HECW2: variants seen among roughly 807,000 people sequenced by gnomAD.
HECW2 encodes HECT, C2 and WW domain containing E3 ubiquitin protein ligase 2.
In HECW2, 61 loss-of-function variants were observed where a neutral mutation model predicts 175.2. The ratio of observed to expected loss-of-function variants is 0.35; its 90% CI spans 0.28 to 0.43. The LOEUF (loss-of-function observed/expected upper bound fraction) is 0.43. Ranked by LOEUF, HECW2 falls within the 20% of genes least tolerant of loss-of-function variation. HECW2 has a pLI of 1.00. For missense variants in HECW2, 1,524 were observed against 2,000.5 expected (o/e 0.76, Z 4.54); for synonymous variants, 671 against 731.0 (o/e 0.92, Z 1.32).
intron 1 of HECW2, among the ~76,000 whole-genome samples, chr2:196,454,043 C>A (rs960694764): frequency 6.6e-6 from 1 of 152,168 alleles, no homozygotes; most frequent in Non-Finnish European, 1.5e-5. Flanking sequence ...CAGAGACTCA[C>A]TCTGTTGCCC....
At chr2:196,587,977 T>C (rs1343460090) in intron 1 of HECW2, among the ~76,000 whole-genome samples, 5 of 152,206 alleles carry the variant, frequency 3.3e-5, no homozygotes, top group African/African-American at 9.7e-5. Flanking sequence ...GCACTGGCCA[T>C]CCTGCAACTC....
intron 14 of HECW2, among the ~76,000 whole-genome samples, chr2:196,284,078 C>A (rs999117961): frequency 6.6e-6 from 1 of 152,132 alleles, no homozygotes; most frequent in Non-Finnish European, 1.5e-5. Flanking sequence ...TCTTCCCACT[C>A]CCCTCACACC....
intron 2 of HECW2, among the ~76,000 whole-genome samples, chr2:196,427,139 G>T (rs1271986505): frequency 3.5e-5 from 1 of 28,844 alleles, no homozygotes; most frequent in African/African-American, 4.7e-5. Context: ...AGAAACTTCA[G>T]ATGATTTTTT....
At chr2:196,551,474 G>A (rs1362114744) in intron 1 of HECW2, among the ~76,000 whole-genome samples, 1 of 152,150 alleles carries the variant, frequency 6.6e-6, no homozygotes, top group Non-Finnish European at 1.5e-5. Context: ...TCTAGAAAAT[G>A]GAAAGACTGA....
intron 1 of HECW2, among the ~76,000 whole-genome samples, chr2:196,488,148 A>T (rs1312708031): frequency 6.6e-6 from 1 of 152,214 alleles, no homozygotes; most frequent in Non-Finnish European, 1.5e-5. Context: ...CAAGCATAGA[A>T]GTCAGCTTGC....
intron 3 of HECW2, among the ~76,000 whole-genome samples, chr2:196,340,178 ATTTTAGAAACTG>A (rs1692694951): frequency 6.6e-6 from 1 of 152,224 alleles, no homozygotes; most frequent in Non-Finnish European, 1.5e-5. Context: ...GGTGGAAAAT[ATTTTAGAAACTG>A]TCTAATCTCT....
Position 196,329,610 on chromosome 2 carries a change from A to C in HECW2, c.536T>G (p.Leu179Arg). ...AAAGCTAACAAGTTTTCGAGAATGC[A>C]GGTTTCCTGAAGCACCTCCCTCCAT... is the stretch of plus-strand genomic sequence containing the variant. Reference protein sequence around the residue: ...EGMEGGASGNLHSRKLVSFTL... With the variant: ...EGMEGGASGNRHSRKLVSFTL... Residue 179 changes from leucine to arginine, a missense_variant, in exon 5 of 29, where the codon CTG becomes CGG. This residue lies in a region of HECW2 where 54 missense variants were observed against 46.8 expected (regional missense o/e 1.15). Transcript: ENST00000644978. 1 of 1,613,682 alleles carries C rather than the reference A, an allele frequency of 6.2e-7. No individual in the cohort carries two copies. The highest frequency in any genetic ancestry group is 8.5e-7 in the Non-Finnish European group (1 of 1,179,654).
intron 16 of HECW2, among the ~76,000 whole-genome samples, chr2:196,273,372 A>C (rs1215145409): frequency 1.3e-5 from 2 of 152,058 alleles, no homozygotes; most frequent in African/African-American, 4.8e-5. Flanking sequence ...CAGCCAACCT[A>C]GTCTAATTTA....
chr2:196,523,691 GT>G (rs1333846434), intron 1 of HECW2, among the ~76,000 whole-genome samples: 2 of 151,582 alleles, frequency 1.3e-5, no homozygotes, highest in Admixed American at 1.3e-4. Context: ...ATGAAGGGTT[GT>G]TGAATTTTGT....
chr2:196,581,568 T>A (rs376109251), intron 1 of HECW2, among the ~76,000 whole-genome samples: 2 of 152,180 alleles, frequency 1.3e-5, no homozygotes, highest in African/African-American at 4.8e-5. Context: ...AAATAATAAG[T>A]ACTGAATTAT....
intron 1 of HECW2, among the ~76,000 whole-genome samples, chr2:196,501,159 A>T (rs1281025163): frequency 1.3e-5 from 2 of 152,256 alleles, no homozygotes; most frequent in African/African-American, 2.4e-5. Context: ...TTTTTAAATT[A>T]TAAGTTATAA....
intron 1 of HECW2, among the ~76,000 whole-genome samples, chr2:196,566,728 T>C (rs1425843890): frequency 2.0e-5 from 3 of 146,776 alleles, no homozygotes; most frequent in Non-Finnish European, 4.5e-5. Flanking sequence ...TTTTTTTGTA[T>C]TTTTGGTAGA....
chr2:196,317,176 A>G, intron 10 of HECW2, 98 bp downstream of exon 10: 1 of 923,946 alleles, frequency 1.1e-6, no homozygotes, highest in East Asian at 2.7e-5. Flanking sequence ...TTCCGCTTGA[A>G]GACCATGTAT....
At chr2:196,538,769 G>A (rs1437556423) in intron 1 of HECW2, among the ~76,000 whole-genome samples, 1 of 152,058 alleles carries the variant, frequency 6.6e-6, no homozygotes, top group Non-Finnish European at 1.5e-5. Flanking sequence ...CATTTTATAT[G>A]AAGGACAGCT....
chr2:196,212,704 T>C (rs1687336167), intron 28 of HECW2, among the ~76,000 whole-genome samples: 1 of 152,236 alleles, frequency 6.6e-6, no homozygotes, highest in African/African-American at 2.4e-5. Flanking sequence ...CTCTTGGGTA[T>C]ATACCCAGTA....
At chr2:196,302,202 G>A (rs1691089773) in intron 13 of HECW2, among the ~76,000 whole-genome samples, 1 of 152,146 alleles carries the variant, frequency 6.6e-6, no homozygotes, top group Non-Finnish European at 1.5e-5. Context: ...GGTTGTAGGT[G>A]TGCAGTCTTA....
At chr2:196,350,643 G>GT (rs1407150431) in intron 2 of HECW2, among the ~76,000 whole-genome samples, 1 of 149,214 alleles carries the variant, frequency 6.7e-6, no homozygotes, top group Non-Finnish European at 1.5e-5. Flanking sequence ...CATTTGACAG[G>GT]TATTTATTGA....
chr2:196,447,472 T>C (rs776940090), intron 1 of HECW2, among the ~76,000 whole-genome samples: 1 of 152,160 alleles, frequency 6.6e-6, no homozygotes, highest in Non-Finnish European at 1.5e-5. Context: ...TTACATGAAC[T>C]GGTAAAAGAT....
At chr2:196,267,332 GA>G (rs1689555673) in intron 17 of HECW2, among the ~76,000 whole-genome samples, 1 of 152,054 alleles carries the variant, frequency 6.6e-6, no homozygotes, top group Non-Finnish European at 1.5e-5. Context: ...GTTTTCTAAT[GA>G]ATATATTTGT....
Sources: allele counts gnomAD v4.1 joint callset (sites outside exome capture counted in the v4.1 genomes callset), GRCh38; gene constraint gnomAD v4.1.1; regional missense constraint gnomAD v4.1.1; transcripts MANE v1.5; gene names NCBI Gene and HGNC (gene_info 2026-07-23, HGNC 2026-07-21).